Variants in PCDHGA1 observed in about 807,000 individuals in gnomAD.
The protein encoded by PCDHGA1 is protocadherin gamma-A1.
PCDHGA1 carries 32 observed loss-of-function variants against 58.0 expected under a neutral mutation model. The ratio of observed to expected loss-of-function variants is 0.55; its 90% CI spans 0.42 to 0.74. PCDHGA1 has a LOEUF of 0.74. Ranked by LOEUF, PCDHGA1 falls within the 30% of genes least tolerant of loss-of-function variation. The pLI is 0.00. For synonymous variants in PCDHGA1, 498 were observed against 501.1 expected (o/e 0.99, Z 0.08); for missense variants, 1,205 against 1,182.3 (o/e 1.02, Z -0.28).
At chr5:141,370,986 G>A in intron 1 of PCDHGA1, 2 of 1,613,992 alleles carry the variant, frequency 1.2e-6, no homozygotes, top group Non-Finnish European at 1.7e-6. Context: ...AGTACTGAAA[G>A]CACCCCTGGA....
rs765454115 is a variant in PCDHGA1, at chr5:141,410,470, T to C, written c.2421+77365T>C. On this transcript the variant is annotated intron_variant, in intron 1 of 3. Coordinates refer to ENST00000517417, the MANE Select transcript of PCDHGA1 (RefSeq NM_018912.3). Reference sequence around the variant, plus strand: ...TGCCTTATTCTTATAATCTGTGCATTGCACATACGGGTACAAAAGAGTTTA... The same window carrying C: ...TGCCTTATTCTTATAATCTGTGCATCGCACATACGGGTACAAAAGAGTTTA... 1.9e-6 allele frequency: 3 copies of C among 1,613,922 alleles called. No individual in the cohort carries two copies. The African/African-American group carries it at 4.0e-5, about 22-fold the overall frequency.
At chr5:141,392,891 C>G in intron 1 of PCDHGA1, 1 of 1,613,594 alleles carries the variant, frequency 6.2e-7, no homozygotes, top group Non-Finnish European at 8.5e-7. Context: ...TGTGGGAAAT[C>G]GGGAGGGGAC....
rs757259230 is a variant in PCDHGA1 at position 141,332,051 on chromosome 5, C to T, written c.1367C>T (p.Ser456Phe). 46 of 1,614,034 alleles carry T rather than the reference C, an allele frequency of 2.9e-5. No homozygotes were observed. The highest frequency in any genetic ancestry group is 3.3e-5 in the Non-Finnish European group (39 of 1,180,034). ...NDNSPVFHQD[S>F]YSAYIPENNP... ...AACTCCCCAGTCTTCCATCAGGACTCCTACTCTGCCTACATTCCCGAAAAC... is the reference window on the plus strand; with the variant it reads ...AACTCCCCAGTCTTCCATCAGGACTTCTACTCTGCCTACATTCCCGAAAAC... Residue 456 changes from serine (S) to phenylalanine (F), a missense_variant, in exon 1 of 4, where the codon TCC becomes TTC. Transcript: ENST00000517417. This position sits in a 1 kb window ranked among gnomAD's most constrained non-coding sequence, Gnocchi z 4.6.
chr5:141,414,412 G>A, intron 1 of PCDHGA1: 1 of 1,613,832 alleles, frequency 6.2e-7, no homozygotes, highest in South Asian at 1.1e-5. Flanking sequence ...GATACACAGA[G>A]CCCTTGACAG....
Position 141,356,374 on chromosome 5 carries a change from T to G in PCDHGA1, c.2421+23269T>G. ...ATGTTCTATTCCAGATAATCTGCCA[T>G]TCACACTTGAAAAGACCTATGGAAA... On this transcript the variant is annotated intron_variant, in intron 1 of 3. Transcript: ENST00000517417. 1.9e-6 allele frequency: 3 copies of G among 1,562,992 alleles called. No homozygotes were observed. The South Asian group carries it at 3.5e-5, about 18-fold the overall frequency.
In PCDHGA1 at chr5:141,490,639, C is replaced by T. The variant is rs1345892739; in HGVS notation, c.2422-4168C>T. 25 of 1,614,200 alleles carry T rather than the reference C, an allele frequency of 1.5e-5. No homozygotes were observed. Among genetic ancestry groups the T allele is most frequent in the East Asian group, 2.2e-5 (1 of 44,878 alleles). ...TTACACTGCTTACATCCTAGAAAAC[C>T]GGCCTCCGGGCTCCCTTCTTTGCAC... On this transcript the variant is annotated intron_variant, in intron 1 of 3. Transcript: ENST00000517417. This position sits in a 1 kb window ranked among gnomAD's most constrained non-coding sequence, Gnocchi z 5.4.
chr5:141,415,400 C>G (rs754292889), intron 1 of PCDHGA1: 3 of 1,614,110 alleles, frequency 1.9e-6, no homozygotes, highest in Non-Finnish European at 2.5e-6. Context: ...GTGTCCGGCT[C>G]GCACTTTGTG....
intron 2 of PCDHGA1, 141 bp downstream of exon 2, chr5:141,495,006 G>A (rs1030195663): frequency 1.3e-6 from 2 of 1,521,564 alleles, no homozygotes; most frequent in Non-Finnish European, 1.8e-6. Flanking sequence ...CTTGGTGTGC[G>A]GGGGGCTGGC....
rs370032689 is a variant in PCDHGA1 at position 141,415,343 on chromosome 5, G to A, written c.2422-79464G>A. 84 of 1,614,112 alleles carry A rather than the reference G, an allele frequency of 5.2e-5. No homozygotes were observed. The African/African-American group carries it at 1.0e-3, about 20-fold the overall frequency. On this transcript the variant is annotated intron_variant, in intron 1 of 3. Transcript: ENST00000517417. The stretch of plus-strand genomic sequence containing the variant: ...CTGCTGGCGCACAGGCTGCGGCGCT[G>A]GCACAAGTCACGCCTGCTGCAGGCT...
intron 1 of PCDHGA1, chr5:141,390,918 T>G (rs997224874): frequency 5.2e-5 from 8 of 152,550 alleles, no homozygotes; most frequent in Non-Finnish European, 1.2e-4. Flanking sequence ...GAAAAAGGTC[T>G]ACTATGCTCA....
At chr5:141,492,606 C>G (rs1019615566) in intron 1 of PCDHGA1, among the ~76,000 whole-genome samples, 3 of 152,232 alleles carry the variant, frequency 2.0e-5, no homozygotes, top group African/African-American at 7.2e-5. Flanking sequence ...GACTGCCGCT[C>G]TAAGTGCCGG....
rs1252640351 is a variant in PCDHGA1, at chr5:141,347,133, T to TTCTC, written c.2421+14032_2421+14035dup. On this transcript the variant is annotated intron_variant, in intron 1 of 3. Coordinates refer to ENST00000517417, the MANE Select transcript of PCDHGA1 (RefSeq NM_018912.3). ...TTTCCTCCTTCCTTCCTTCCTCTGT[T>TTCTC]TCTCTCTTTCTTTCTTTCTTTCTTT... Among the ~76,000 whole-genome samples the TTCTC allele has an allele frequency of 7.5e-5, 10 of 134,130 alleles. No individual in the cohort carries two copies. In the South Asian group the frequency reaches 2.0e-3, roughly 27 times the overall value. The allele number at this position is 134,130 out of a possible 152,430, so 88.0% of individuals were successfully genotyped here.
intron 1 of PCDHGA1, among the ~76,000 whole-genome samples, chr5:141,460,951 G>GTATATA (rs200454978): frequency 7.2e-6 from 1 of 139,722 alleles, no homozygotes; most frequent in African/African-American, 2.8e-5. Flanking sequence ...TATGTATTAT[G>GTATATA]TATATATATA....
chr5:141,468,790 C>T (rs1215557602), intron 1 of PCDHGA1, among the ~76,000 whole-genome samples: 10 of 151,564 alleles, frequency 6.6e-5, no homozygotes, highest in African/African-American at 2.2e-4. Context: ...GGCGTGAACC[C>T]GGGAGGCGGA....
At chr5:141,460,483 C>G (rs2098990314) in intron 1 of PCDHGA1, among the ~76,000 whole-genome samples, 1 of 152,046 alleles carries the variant, frequency 6.6e-6, no homozygotes, top group African/African-American at 2.4e-5. Flanking sequence ...ATCCAATTGT[C>G]TCTTTGGAAA....
chr5:141,448,639 T>A (rs1248697237), intron 1 of PCDHGA1, among the ~76,000 whole-genome samples: 1 of 152,148 alleles, frequency 6.6e-6, no homozygotes, highest in Admixed American at 6.6e-5. Flanking sequence ...CATTATATCC[T>A]TTAAAAATAT....
In PCDHGA1 at chr5:141,477,294, C is replaced by G. The variant is rs753131175; in HGVS notation, c.2422-17513C>G. On this transcript the variant is annotated intron_variant, in intron 1 of 3. Coordinates refer to ENST00000517417, the MANE Select transcript of PCDHGA1 (RefSeq NM_018912.3). This position sits in a 1 kb window ranked among gnomAD's most constrained non-coding sequence, Gnocchi z 4.9. ...GGGCTGGTGACCTGCGAAGTTCCACCGGGTCTCCCTTTCAGCCTTACTTCT... is the reference window on the plus strand; with the variant it reads ...GGGCTGGTGACCTGCGAAGTTCCACGGGGTCTCCCTTTCAGCCTTACTTCT... The G allele has an allele frequency of 2.1e-5, 34 of 1,614,024 alleles. No individual in the cohort carries two copies. Among genetic ancestry groups the G allele is most frequent in the Non-Finnish European group, 2.9e-5 (34 of 1,180,036 alleles).
At position 141,340,708 on chromosome 5, in the gene PCDHGA1, C is replaced by T. The variant is rs200779662; in HGVS notation, c.2421+7603C>T. The T allele has an allele frequency of 4.1e-4, 663 of 1,614,032 alleles. 6 individuals carry two copies. The highest frequency in any genetic ancestry group is 3.3e-3 in the South Asian group (304 of 91,076). ...GTTCCACTGGCGTGGAGCTGGCGCC[C>T]CGCTCCGCAGAGCCCGGCTACCTGG... On this transcript the variant is annotated intron_variant, in intron 1 of 3. Coordinates refer to ENST00000517417, the MANE Select transcript of PCDHGA1 (RefSeq NM_018912.3).
intron 1 of PCDHGA1, chr5:141,383,671 G>T: frequency 6.2e-7 from 1 of 1,613,998 alleles, no homozygotes; most frequent in Non-Finnish European, 8.5e-7. Flanking sequence ...TGTGCCAGTG[G>T]GTACAAGACT....
Sources: allele counts gnomAD v4.1 joint callset (sites outside exome capture counted in the v4.1 genomes callset), GRCh38; gene constraint gnomAD v4.1.1; non-coding constraint Gnocchi (gnomAD v3.1); transcripts MANE v1.5; gene names NCBI Gene and HGNC (gene_info 2026-07-23, HGNC 2026-07-21).